LRRC8C: variants seen among roughly 807,000 people sequenced by gnomAD.
LRRC8C encodes the protein leucine rich repeat containing 8 VRAC subunit C, also known as volume-regulated anion channel subunit LRRC8C.
A neutral mutation model predicts 55.3 loss-of-function variants in LRRC8C; 20 were observed. The ratio of observed to expected loss-of-function variants is 0.36; its 90% CI spans 0.25 to 0.53. LRRC8C has a LOEUF of 0.53. Among genes scored for constraint, LRRC8C ranks in the 20% least tolerant of loss-of-function variants. The pLI is 0.92. For missense variants in LRRC8C, 659 were observed against 951.4 expected (o/e 0.69, Z 4.04); for synonymous variants, 376 against 360.7 (o/e 1.04, Z -0.48).
At chr1:89,647,648 A>C (rs1488300698) in intron 1 of LRRC8C, among the ~76,000 whole-genome samples, 1 of 152,202 alleles carries the variant, frequency 6.6e-6, no homozygotes. Flanking sequence ...ATTTATTTCT[A>C]GAAAAGGCCA....
intron 1 of LRRC8C, among the ~76,000 whole-genome samples, chr1:89,647,249 G>C (rs1570693375): frequency 6.6e-6 from 1 of 152,156 alleles, no homozygotes; most frequent in Non-Finnish European, 1.5e-5. Flanking sequence ...ATGCTATTAT[G>C]TATCAAACAT....
chr1:89,628,513 C>A (rs559944666), upstream of LRRC8C, among the ~76,000 whole-genome samples: 5 of 152,322 alleles, frequency 3.3e-5, no homozygotes, highest in African/African-American at 1.2e-4. Context: ...CTCGGCCTCC[C>A]AGAATGCTGG....
intron 1 of LRRC8C, among the ~76,000 whole-genome samples, chr1:89,684,087 T>C (rs990563104): frequency 2.0e-5 from 3 of 152,106 alleles, no homozygotes; most frequent in Non-Finnish European, 4.4e-5. Flanking sequence ...AAATTATATA[T>C]ATATTACATT....
chr1:89,634,415 T>A (rs11799519), intron 1 of LRRC8C, among the ~76,000 whole-genome samples: 7,189 of 152,178 alleles, frequency 0.047, 569 homozygotes, highest in African/African-American at 0.17. Flanking sequence ...TCGCAGCCGT[T>A]TGTAAGTCAC....
In LRRC8C at chr1:89,712,790, G is replaced by A; in HGVS notation, c.220G>A (p.Ala74Thr). ...CTCTTCCCTTTCGAATGTCTCTCAAGCAGTTGCCAGTACCACTCCACTGCC... is the reference window on the plus strand; with the variant it reads ...CTCTTCCCTTTCGAATGTCTCTCAAACAGTTGCCAGTACCACTCCACTGCC... ...NHSSLSNVSQ[A>T]VASTTPLPPP... The change falls in exon 3 of 3, where the codon GCA becomes ACA. Residue 74 changes from alanine (A) to threonine (T), a missense_variant. Coordinates refer to ENST00000370454, the MANE Select transcript of LRRC8C (RefSeq NM_032270.5). 1.2e-6 allele frequency: 2 copies of A among 1,614,152 alleles called. No individual in the cohort carries two copies. Among genetic ancestry groups the A allele is most frequent in the Non-Finnish European group, 1.7e-6 (2 of 1,180,040 alleles).
chr1:89,681,943 C>T (rs1164360684), intron 1 of LRRC8C, among the ~76,000 whole-genome samples: 8 of 152,202 alleles, frequency 5.3e-5, no homozygotes, highest in Middle Eastern at 3.4e-3. Context: ...TTTGGGAGGC[C>T]GAGGTGAGCA....
intron 1 of LRRC8C, among the ~76,000 whole-genome samples, chr1:89,666,212 C>T (rs1657258473): frequency 6.6e-6 from 1 of 152,098 alleles, no homozygotes. Flanking sequence ...CATGTACATT[C>T]CCTTCTTGCA....
chr1:89,626,071 A>G, the LRRC8C span, among the ~76,000 whole-genome samples: 1 of 152,228 alleles, frequency 6.6e-6, no homozygotes, highest in Non-Finnish European at 1.5e-5. Flanking sequence ...AGTCATTTGT[A>G]GATTTAATTA....
intron 1 of LRRC8C, among the ~76,000 whole-genome samples, chr1:89,685,424 C>CA (rs1657849834): frequency 2.0e-5 from 3 of 152,194 alleles, no homozygotes; most frequent in Non-Finnish European, 4.4e-5. Flanking sequence ...CATTGTCTAT[C>CA]TAGTTCTTAA....
chr1:89,647,851 G>T (rs964037338), intron 1 of LRRC8C, among the ~76,000 whole-genome samples: 1 of 152,010 alleles, frequency 6.6e-6, no homozygotes, highest in African/African-American at 2.4e-5. Context: ...TCACTTGAGC[G>T]CAGGAGTTCA....
chr1:89,714,076 C>A lies in LRRC8C; in HGVS notation c.1506C>A (p.Asp502Glu), dbSNP rs1240840780. Residue 502 changes from aspartate (D) to glutamate (E), a missense_variant, in exon 3 of 3, where the codon GAC (aspartate) becomes GAA (glutamate). By Grantham distance (45) the Asp-to-Glu change is conservative. Coordinates refer to ENST00000370454, the MANE Select transcript of LRRC8C (RefSeq NM_032270.5). This position sits in a 1 kb window ranked among gnomAD's most constrained non-coding sequence, Gnocchi z 4.6. Reference protein sequence around the residue: ...NLKVLSVKFDDMRELPPWMYG... With the variant: ...NLKVLSVKFDEMRELPPWMYG... ...AGGTCTTGAGCGTCAAGTTTGATGA[C>A]ATGAGGGAACTCCCCCCCTGGATGT... 3 of 1,614,070 alleles carry A rather than the reference C, an allele frequency of 1.9e-6. No individual in the cohort carries two copies. In the South Asian group the frequency reaches 3.3e-5, roughly 18 times the overall value.
chr1:89,659,103 G>GTGTC (rs1657044184), intron 1 of LRRC8C, among the ~76,000 whole-genome samples: 1 of 133,374 alleles, frequency 7.5e-6, no homozygotes, highest in African/African-American at 2.9e-5. Context: ...GTGTGTGTGT[G>GTGTC]TGTGTCTGTG....
intron 1 of LRRC8C, among the ~76,000 whole-genome samples, chr1:89,641,905 C>A (rs1656466092): frequency 6.6e-6 from 1 of 152,172 alleles, no homozygotes; most frequent in Admixed American, 6.5e-5. Context: ...AAAGGTACCG[C>A]AAGAGGAGCT....
At chr1:89,619,837 C>A in the LRRC8C span, among the ~76,000 whole-genome samples, 1 of 152,072 alleles carries the variant, frequency 6.6e-6, no homozygotes, top group Admixed American at 6.5e-5. Context: ...AATAATCTAA[C>A]CCTCACAACC....
At chr1:89,707,809 T>C (rs1431541897) in intron 2 of LRRC8C, among the ~76,000 whole-genome samples, 2 of 152,044 alleles carry the variant, frequency 1.3e-5, no homozygotes, top group African/African-American at 4.8e-5. Flanking sequence ...CTGTCCGTGC[T>C]CTCCTGATTC....
chr1:89,668,770 G>C (rs968448088), intron 1 of LRRC8C, among the ~76,000 whole-genome samples: 1 of 152,110 alleles, frequency 6.6e-6, no homozygotes, highest in African/African-American at 2.4e-5. Context: ...GTACAGAAAA[G>C]ATAATACCTA....
At position 89,661,228 on chromosome 1, in the gene LRRC8C, C is replaced by T. The variant is rs7527847; in HGVS notation, c.-4-25242C>T. On this transcript the variant is annotated intron_variant, in intron 1 of 2. Coordinates refer to ENST00000370454, the MANE Select transcript of LRRC8C (RefSeq NM_032270.5). ...AACATTTGTTAGAAATCTGGACCTT[C>T]TTTCTTCAGTTTGCTGTAATCCACA... The T allele has an allele frequency of 2.5e-3, 587 of 235,088 alleles. 4 individuals carry two copies. Among genetic ancestry groups the T allele is most frequent in the African/African-American group, 0.013 (557 of 43,694 alleles). 14.6% of individuals were successfully genotyped at this position (235,088 alleles called of 1,614,324 possible).
At position 89,654,862 on chromosome 1, in the gene LRRC8C, A is replaced by G. The variant is rs562088243; in HGVS notation, c.-5+21540A>G. On this transcript the variant is annotated intron_variant, in intron 1 of 2. Coordinates refer to ENST00000370454, the MANE Select transcript of LRRC8C (RefSeq NM_032270.5). ...CTTTATTAATTCATTGTGTGCTAGC[A>G]CTTTAGTAAGCCTTTTTTTTTTTTT... Among the ~76,000 whole-genome samples, 6 of 136,012 alleles carry G rather than the reference A, an allele frequency of 4.4e-5. No individual in the cohort carries two copies. In the South Asian group the frequency reaches 1.4e-3, roughly 32 times the overall value. The allele number at this position is 136,012 out of a possible 152,430, so 89.2% of individuals were successfully genotyped here.
chr1:89,711,121 T>C (rs1261885993), intron 2 of LRRC8C, among the ~76,000 whole-genome samples: 1 of 152,178 alleles, frequency 6.6e-6, no homozygotes, highest in Non-Finnish European at 1.5e-5. Flanking sequence ...CTAGAAGAGG[T>C]GTCCTGCACA....
Sources: gnomAD v4.1 joint callset for allele counts (sites outside exome capture counted in the v4.1 genomes callset) on GRCh38, gnomAD v4.1.1 for gene constraint, Gnocchi (gnomAD v3.1) non-coding constraint, MANE v1.5 for transcripts, NCBI Gene and HGNC (gene_info 2026-07-23, HGNC 2026-07-21) for gene names.